The following RBFOX1 variants were observed in gnomAD, a reference collection of about 807,000 sequenced individuals.
RBFOX1 encodes the protein RNA binding protein fox-1 homolog 1.
Under a neutral mutation model 57.7 loss-of-function variants are expected in RBFOX1, and 8 were observed. That is an observed-to-expected ratio of 0.14 (90% confidence interval 0.08 to 0.25). RBFOX1 has a LOEUF of 0.25. Ranked by LOEUF, RBFOX1 falls within the 10% of genes least tolerant of loss-of-function variation. The probability of loss-of-function intolerance (pLI) is 1.00; values close to 1 mark genes in which losing one functional copy is unlikely to be tolerated. For missense variants in RBFOX1, 611 were observed against 548.5 expected, an observed-to-expected ratio of 1.11 and a Z score of -1.14; for synonymous variants, 326 against 222.4, an observed-to-expected ratio of 1.47 and a Z score of -4.15.
chr16:6,502,960 G>A (rs2095980973), intron 2 of RBFOX1, among the ~76,000 whole-genome samples: 1 of 152,000 alleles, frequency 6.6e-6, no homozygotes, highest in African/African-American at 2.4e-5. Flanking sequence ...CTGATATTAT[G>A]GAAAGAAGAT....
At chr16:5,279,856 C>A (rs191474037) in intron 1 of RBFOX1, among the ~76,000 whole-genome samples, 2 of 152,106 alleles carry the variant, frequency 1.3e-5, no homozygotes, top group African/African-American at 4.8e-5. Flanking sequence ...TTTCTGTTTA[C>A]GAGTATAAGA....
chr16:6,871,328 G>A (rs944017472), intron 3 of RBFOX1, among the ~76,000 whole-genome samples: 5 of 152,132 alleles, frequency 3.3e-5, no homozygotes, highest in South Asian at 2.1e-4. Flanking sequence ...TGGGATTACA[G>A]GCATGTGCCA....
At chr16:7,387,526 T>A (rs2148280717) in intron 4 of RBFOX1, among the ~76,000 whole-genome samples, 1 of 152,316 alleles carries the variant, frequency 6.6e-6, no homozygotes, top group Non-Finnish European at 1.5e-5. Context: ...AATTGCACAT[T>A]TGCTGGCAAG....
In RBFOX1 at chr16:5,646,307, C is replaced by G. The variant is rs7192698; in HGVS notation, c.318+47346C>G. The stretch of plus-strand genomic sequence containing the variant: ...CCCAAAGTGCTGGGATTATAGGTGT[C>G]AACCACTGTGTTGTGGAGATAGGGT... On this transcript the variant is annotated intron_variant, in intron 3 of 19. Transcript: ENST00000641259. Among the ~76,000 whole-genome samples, 1,455 of 150,934 alleles carry G rather than the reference C, an allele frequency of 9.6e-3. 23 individuals are homozygous for G. Among genetic ancestry groups the G allele is most frequent in the African/African-American group, 0.034 (1,387 of 41,134 alleles).
At chr16:7,029,208 ACG>A (rs2042093080) in intron 3 of RBFOX1, among the ~76,000 whole-genome samples, 2 of 52,084 alleles carry the variant, frequency 3.8e-5, no homozygotes, top group Non-Finnish European at 8.6e-5. Context: ...GTATACGTAT[ACG>A]TATATATATA....
chr16:7,588,830 A>G lies in RBFOX1; in HGVS notation c.468+1530A>G, dbSNP rs116514497. 4.9e-3 allele frequency among the ~76,000 whole-genome samples: 743 copies of G among 152,222 alleles called. 8 individuals carry two copies. The highest frequency in any genetic ancestry group is 0.017 in the African/African-American group (702 of 41,536). On this transcript the variant is annotated intron_variant, in intron 7 of 15. Coordinates refer to ENST00000550418, the MANE Select transcript of RBFOX1 (RefSeq NM_018723.4). Reference sequence around the variant, plus strand: ...TCCCTCCTAAGTAAATTTAGTACTAATTAACTAGGATGATGTTGATCATAT... The same window carrying G: ...TCCCTCCTAAGTAAATTTAGTACTAGTTAACTAGGATGATGTTGATCATAT...
chr16:7,022,908 C>G (rs1193175092), intron 3 of RBFOX1, among the ~76,000 whole-genome samples: 1 of 152,128 alleles, frequency 6.6e-6, no homozygotes, highest in Non-Finnish European at 1.5e-5. Context: ...GGGCTTGCAC[C>G]CCATTGTCTC....
chr16:6,418,526 T>TA (rs1567229593), intron 2 of RBFOX1, among the ~76,000 whole-genome samples: 1 of 117,732 alleles, frequency 8.5e-6, no homozygotes, highest in African/African-American at 3.4e-5. Context: ...CTTATTTTTT[T>TA]TTTTTTTTTT....
intron 3 of RBFOX1, among the ~76,000 whole-genome samples, chr16:5,830,547 G>C (rs1567598835): frequency 6.6e-6 from 1 of 152,170 alleles, no homozygotes; most frequent in Admixed American, 6.5e-5. Context: ...GTCCCAGCCA[G>C]AGTGGTGACT....
rs117484643 is a variant in RBFOX1, at chr16:6,581,131, G to T, written c.-63-73472G>T. Reference sequence around the variant, plus strand: ...CCCATATACTCTAAGTGCCAGGTAGGTCCACGTGGGACAACCAGAGTCTAA... The same window carrying T: ...CCCATATACTCTAAGTGCCAGGTAGTTCCACGTGGGACAACCAGAGTCTAA... On this transcript the variant is annotated intron_variant, in intron 2 of 15. Transcript: ENST00000550418. 6.0e-3 allele frequency among the ~76,000 whole-genome samples: 920 copies of T among 152,138 alleles called. 4 individuals are homozygous for T. Among genetic ancestry groups the T allele is most frequent in the South Asian group, 0.012 (57 of 4,814 alleles).
At position 6,654,658 on chromosome 16, in the gene RBFOX1, A is replaced by C. The variant is rs1284389505; in HGVS notation, c.-16+8A>C. On this transcript the variant is annotated splice_region_variant and intron_variant, in intron 3 of 15. Coordinates refer to ENST00000550418, the MANE Select transcript of RBFOX1 (RefSeq NM_018723.4). ...GAAATAGAAGACAGAAAGGTGAGTC[A>C]ATATTTTTCATTTTTAGGGTTGCAA... is the stretch of plus-strand genomic sequence containing the variant. The C allele has an allele frequency of 2.0e-6, 3 of 1,506,886 alleles. No homozygotes were observed. Among genetic ancestry groups the C allele is most frequent in the Admixed American group, 4.6e-5 (2 of 43,448 alleles). 93.3% of individuals were successfully genotyped at this position (1,506,886 alleles called of 1,614,324 possible). A position where few individuals can be genotyped will look rare whatever the true frequency, so the allele number is the denominator to read the frequency against.
At chr16:5,439,538 A>G (rs2068019813) in intron 1 of RBFOX1, among the ~76,000 whole-genome samples, 1 of 152,096 alleles carries the variant, frequency 6.6e-6, no homozygotes, top group South Asian at 2.1e-4. Context: ...CGTAGGTAGA[A>G]CCGGGGAGAC....
chr16:5,453,100 C>T (rs1425369759), intron 1 of RBFOX1, among the ~76,000 whole-genome samples: 2 of 152,246 alleles, frequency 1.3e-5, no homozygotes, highest in Non-Finnish European at 2.9e-5. Context: ...TCTTTTCAGT[C>T]GATTGATCAG....
chr16:7,213,965 G>T (rs1339644877), intron 4 of RBFOX1, among the ~76,000 whole-genome samples: 1 of 151,990 alleles, frequency 6.6e-6, no homozygotes, highest in Non-Finnish European at 1.5e-5. Flanking sequence ...CATTTGCACC[G>T]CAGAGCTCAG....
chr16:6,216,589 G>C (rs973399040), intron 1 of RBFOX1, among the ~76,000 whole-genome samples: 2 of 152,202 alleles, frequency 1.3e-5, no homozygotes, highest in African/African-American at 4.8e-5. Flanking sequence ...CAAAAGCAAA[G>C]TATCCAACAA....
intron 4 of RBFOX1, among the ~76,000 whole-genome samples, chr16:7,508,102 T>G (rs1445861646): frequency 6.6e-6 from 1 of 152,016 alleles, no homozygotes; most frequent in East Asian, 1.9e-4. Flanking sequence ...TTCTCGTGCC[T>G]CAGCCTCCAA....
chr16:6,473,472 C>A (rs1194892631), intron 2 of RBFOX1, among the ~76,000 whole-genome samples: 2 of 152,150 alleles, frequency 1.3e-5, no homozygotes, highest in Admixed American at 6.5e-5. Flanking sequence ...TTGCAAAAAT[C>A]TGTCATCTCC....
intron 2 of RBFOX1, among the ~76,000 whole-genome samples, chr16:6,530,734 C>A (rs557228153): frequency 8.2e-6 from 1 of 121,620 alleles, no homozygotes; most frequent in East Asian, 3.0e-4. Context: ...CAGGGGAACT[C>A]CCTTTTATAA....
intron 4 of RBFOX1, among the ~76,000 whole-genome samples, chr16:7,314,171 G>A (rs2096385546): frequency 6.6e-6 from 1 of 152,212 alleles, no homozygotes; most frequent in Non-Finnish European, 1.5e-5. Flanking sequence ...GAATGATGGA[G>A]TGTATTTCTC....
Sources: gnomAD v4.1 joint callset for allele counts (sites outside exome capture counted in the v4.1 genomes callset) on GRCh38, gnomAD v4.1.1 for gene constraint, MANE v1.5 for transcripts, NCBI Gene and HGNC (gene_info 2026-07-23, HGNC 2026-07-21) for gene names.